Variants in DOCK1 observed in about 807,000 individuals in gnomAD.
DOCK1 encodes the protein dedicator of cytokinesis protein 1.
Under a neutral mutation model 262.7 loss-of-function variants are expected in DOCK1, and 138 were observed. The ratio of observed to expected loss-of-function variants is 0.53; its 90% CI spans 0.46 to 0.61. The LOEUF (loss-of-function observed/expected upper bound fraction) is 0.61, where lower values mean the gene tolerates loss of function less well. DOCK1 is among the 20% of genes least tolerant of loss of function. The pLI is 0.00. For synonymous variants in DOCK1, 866 were observed against 867.4 expected (o/e 1.00, Z 0.03); for missense variants, 1,908 against 2,370.7 (o/e 0.80, Z 4.05).
chr10:127,086,097 G>A (rs1391397254), intron 23 of DOCK1, among the ~76,000 whole-genome samples: 1 of 152,140 alleles, frequency 6.6e-6, no homozygotes, highest in Non-Finnish European at 1.5e-5. Context: ...AGGAGTTCGT[G>A]ACTCGGTGCG....
intron 16 of DOCK1, among the ~76,000 whole-genome samples, chr10:127,027,364 G>T (rs893849829): frequency 2.0e-5 from 3 of 152,206 alleles, no homozygotes; most frequent in African/African-American, 7.2e-5. Flanking sequence ...GGAAGCCAAG[G>T]TGGAAGATTG....
rs777054054 is a variant in DOCK1, at chr10:127,023,264, A to G, written c.1392A>G (p.Thr464=). Residue 464 remains threonine, a synonymous_variant, in exon 14 of 52, where the codon ACA becomes ACG. Transcript: ENST00000623213. ...GAGATTTTGATAAAGGAAGCAAAACAACAGCGAAGAACGTGGAGGTCACGG... is the reference window on the plus strand; with the variant it reads ...GAGATTTTGATAAAGGAAGCAAAACGACAGCGAAGAACGTGGAGGTCACGG... ...VQGDFDKGSK[T]TAKNVEVTVS... 8 of 1,613,906 alleles carry G rather than the reference A, an allele frequency of 5.0e-6. No individual in the cohort carries two copies. Among genetic ancestry groups the G allele is most frequent in the Admixed American group, 1.7e-5 (1 of 60,004 alleles).
At chr10:127,251,554 C>T (rs1490336545) in intron 28 of DOCK1, among the ~76,000 whole-genome samples, 3 of 126,596 alleles carry the variant, frequency 2.4e-5, no homozygotes, top group African/African-American at 8.9e-5. Context: ...ACAAGAGACC[C>T]CAGAGTGTGA....
intron 1 of DOCK1, among the ~76,000 whole-genome samples, chr10:126,961,666 G>A (rs1298726777): frequency 6.6e-6 from 1 of 152,212 alleles, no homozygotes; most frequent in Non-Finnish European, 1.5e-5. Context: ...GTGTTGTAAT[G>A]TGTCAACATG....
intron 38 of DOCK1, among the ~76,000 whole-genome samples, chr10:127,394,811 C>T (rs756015279): frequency 2.6e-5 from 4 of 152,100 alleles, no homozygotes; most frequent in Non-Finnish European, 5.9e-5. Flanking sequence ...CGTGAAATAC[C>T]GAGATGGAGC....
chr10:127,347,832 G>GCCTTCCCTTCTCTTCCCTTC (rs2063704771), intron 31 of DOCK1, among the ~76,000 whole-genome samples: 1 of 57,524 alleles, frequency 1.7e-5, no homozygotes, highest in Admixed American at 1.8e-4. Context: ...CAACCCCTCA[G>GCCTTCCCTTCTCTTCCCTTC]CCTTCCCTTC....
chr10:127,035,039 T>C (rs973370022), intron 18 of DOCK1, among the ~76,000 whole-genome samples: 5 of 152,192 alleles, frequency 3.3e-5, no homozygotes, highest in South Asian at 4.1e-4. Flanking sequence ...GAAATTCCGA[T>C]GTGATGCCAC....
intron 27 of DOCK1, among the ~76,000 whole-genome samples, chr10:127,153,232 A>G (rs560722815): frequency 4.6e-5 from 7 of 152,262 alleles, no homozygotes; most frequent in Non-Finnish European, 7.3e-5. Flanking sequence ...GGTTTTGACT[A>G]TATCTTAAAA....
intron 27 of DOCK1, among the ~76,000 whole-genome samples, chr10:127,195,823 C>T (rs1033571575): frequency 5.9e-5 from 9 of 152,184 alleles, no homozygotes; most frequent in Non-Finnish European, 1.2e-4. Context: ...GGTCCGCTCC[C>T]GGCTGCACCG....
At chr10:127,361,521 T>G (rs2064447900) in intron 32 of DOCK1, among the ~76,000 whole-genome samples, 1 of 152,194 alleles carries the variant, frequency 6.6e-6, no homozygotes, top group Admixed American at 6.5e-5. Context: ...CTTGATTTAC[T>G]TTGATTGGAG....
intron 11 of DOCK1, among the ~76,000 whole-genome samples, chr10:127,010,752 A>C (rs978492180): frequency 2.0e-5 from 3 of 152,212 alleles, no homozygotes; most frequent in Non-Finnish European, 4.4e-5. Flanking sequence ...TGAGGTCATA[A>C]ATAAAATACA....
At chr10:126,920,653 T>G (rs2033090335) in intron 1 of DOCK1, among the ~76,000 whole-genome samples, 1 of 152,254 alleles carries the variant, frequency 6.6e-6, no homozygotes, top group Non-Finnish European at 1.5e-5. Context: ...GCAAGCTTTT[T>G]CTGCAGAGAT....
chr10:127,020,135 G>A (rs560094629), intron 13 of DOCK1, among the ~76,000 whole-genome samples: 4 of 152,326 alleles, frequency 2.6e-5, no homozygotes, highest in African/African-American at 7.2e-5. Context: ...AGAAAAGCAT[G>A]ACGTTTAGTC....
At chr10:127,204,213 A>C (rs1446086447) in intron 27 of DOCK1, among the ~76,000 whole-genome samples, 1 of 152,122 alleles carries the variant, frequency 6.6e-6, no homozygotes, top group Non-Finnish European at 1.5e-5. Context: ...AATCCTACAG[A>C]GCTTTTTCCC....
intron 13 of DOCK1, 84 bp downstream of exon 13, chr10:127,018,919 T>G: frequency 6.4e-7 from 1 of 1,564,874 alleles, no homozygotes; most frequent in East Asian, 2.3e-5. Context: ...GCATCATGTA[T>G]GAGCTCTGGC....
chr10:127,105,382 ACT>A (rs979290944), intron 23 of DOCK1, among the ~76,000 whole-genome samples: 1 of 152,126 alleles, frequency 6.6e-6, no homozygotes, highest in Admixed American at 6.5e-5. Flanking sequence ...TAATATCATT[ACT>A]CTGTTTTTTG....
At chr10:126,950,003 C>T (rs1176599954) in intron 1 of DOCK1, among the ~76,000 whole-genome samples, 1 of 151,986 alleles carries the variant, frequency 6.6e-6, no homozygotes, top group African/African-American at 2.4e-5. Context: ...AGGTTTCTCC[C>T]ACCTTCTAGA....
chr10:127,001,378 C>G (rs1565049915), intron 10 of DOCK1: 1 of 152,172 alleles, frequency 6.6e-6, no homozygotes, highest in Admixed American at 6.5e-5. Context: ...ATATATTTCT[C>G]CTTCCTTCCC....
At chr10:127,155,502 C>T (rs998763417) in intron 27 of DOCK1, among the ~76,000 whole-genome samples, 2 of 152,150 alleles carry the variant, frequency 1.3e-5, no homozygotes, top group African/African-American at 4.8e-5. Context: ...CTTTGGAACC[C>T]CACAGCAGGC....
Sources: allele counts gnomAD v4.1 joint callset (sites outside exome capture counted in the v4.1 genomes callset), GRCh38; gene constraint gnomAD v4.1.1; transcripts MANE v1.5; gene names NCBI Gene and HGNC (gene_info 2026-07-23, HGNC 2026-07-21).